LRRIQ4: variants seen among roughly 807,000 people sequenced by gnomAD.
LRRIQ4 encodes the protein leucine rich repeats and IQ motif containing 4, also known as leucine-rich repeat and IQ domain-containing protein 4.
LRRIQ4 carries 21 observed loss-of-function variants against 40.1 expected under a neutral mutation model. The ratio of observed to expected loss-of-function variants is 0.52; its 90% CI spans 0.37 to 0.75. The LOEUF (loss-of-function observed/expected upper bound fraction) is 0.75, where lower values mean the gene tolerates loss of function less well. Among genes scored for constraint, LRRIQ4 ranks in the 30% least tolerant of loss-of-function variants. The pLI, the probability that LRRIQ4 is intolerant of heterozygous loss-of-function variation, is 0.00. For missense variants in LRRIQ4, 655 were observed against 660.0 expected, an observed-to-expected ratio of 0.99 and a Z score of 0.08; for synonymous variants, 277 against 277.1, an observed-to-expected ratio of 1.00 and a Z score of 0.00.
intron 2 of LRRIQ4, among the ~76,000 whole-genome samples, chr3:169,825,102 G>A (rs1780011931): frequency 6.6e-6 from 1 of 150,682 alleles, no homozygotes; most frequent in Admixed American, 6.6e-5. Context: ...CCACCTCCCA[G>A]GTTCAAGCGA....
rs56344833 is a variant in LRRIQ4, at chr3:169,835,364, C to CTTTGTGTGTGTGTGTGTG, written c.1531-2114_1531-2113insTTGTGTGTGTGTGTGTGT. On this transcript the variant is annotated intron_variant, in intron 5 of 5. Coordinates refer to ENST00000340806, the MANE Select transcript of LRRIQ4 (RefSeq NM_001080460.3). ...CACTTGTACTTTGAATTGTCTTTTT[C>CTTTGTGTGTGTGTGTGTG]TGTGTGTGTGTGTGTGTGTGTGTGT... Among the ~76,000 whole-genome samples, 503 of 146,498 alleles carry CTTTGTGTGTGTGTGTGTG rather than the reference C, an allele frequency of 3.4e-3. 9 individuals carry two copies. The highest frequency in any genetic ancestry group is 0.011 in the African/African-American group (432 of 39,554).
At chr3:169,819,312 C>T (rs774328162) in intron 1 of LRRIQ4, among the ~76,000 whole-genome samples, 3 of 151,924 alleles carry the variant, frequency 2.0e-5, no homozygotes, top group Non-Finnish European at 2.9e-5. Flanking sequence ...TTCAGAGGGC[C>T]GTCAAATTGA....
Position 169,837,745 on chromosome 3 carries a change from AAAATAAATGATTCTTAC to A in LRRIQ4, c.*115_*131del. 1 of 820,776 alleles carries A rather than the reference AAAATAAATGATTCTTAC, an allele frequency of 1.2e-6. No individual in the cohort carries two copies. The highest frequency in any genetic ancestry group is 1.8e-6 in the Non-Finnish European group (1 of 549,172). The allele number at this position is 820,776 out of a possible 1,614,324, so 50.8% of individuals were successfully genotyped here. On this transcript the variant is annotated 3_prime_UTR_variant, in exon 6 of 6. Transcript: ENST00000340806. The stretch of plus-strand genomic sequence containing the variant: ...ATTCATAAAATTACACTTATGTGTA[AAAATAAATGATTCTTAC>A]TTTTACTGAAATATTTATGGATAAA...
At position 169,828,847 on chromosome 3, in the gene LRRIQ4, C is replaced by T. The variant is rs1780100362; in HGVS notation, c.1109C>T (p.Ser370Phe). Residue 370 changes from serine (S) to phenylalanine (F), a missense_variant, in exon 3 of 6, where the codon TCT becomes TTT. By Grantham distance (155) the Ser-to-Phe change is radical. Transcript: ENST00000340806. Reference sequence around the variant, plus strand: ...CTTTCCTTTCCGGAGGAAGTCCTTTCTTTAGCGTCTTTAGAGAAATTATAC... The same window carrying T: ...CTTTCCTTTCCGGAGGAAGTCCTTTTTTTAGCGTCTTTAGAGAAATTATAC... ...EFLSFPEEVL[S>F]LASLEKLYIG... 3 of 1,613,724 alleles carry T rather than the reference C, an allele frequency of 1.9e-6. No individual in the cohort carries two copies. Among genetic ancestry groups the T allele is most frequent in the African/African-American group, 2.7e-5 (2 of 74,906 alleles).
At chr3:169,829,133 G>C (rs1296566671) in intron 3 of LRRIQ4, among the ~76,000 whole-genome samples, 1 of 152,112 alleles carries the variant, frequency 6.6e-6, no homozygotes, top group African/African-American at 2.4e-5. Flanking sequence ...TGTGATTGCT[G>C]TTGGATATGT....
At chr3:169,831,956 A>C (rs1404805951) in intron 4 of LRRIQ4, among the ~76,000 whole-genome samples, 1 of 150,440 alleles carries the variant, frequency 6.6e-6, no homozygotes, top group Non-Finnish European at 1.5e-5. Context: ...ACAGGGCAAG[A>C]CTCCGTTTTA....
intron 1 of LRRIQ4, among the ~76,000 whole-genome samples, chr3:169,815,907 TG>T (rs1039670641): frequency 2.0e-5 from 3 of 152,250 alleles, no homozygotes; most frequent in African/African-American, 7.2e-5. Flanking sequence ...ATATGGTTTT[TG>T]TCCTTCATTC....
At position 169,823,641 on chromosome 3, in the gene LRRIQ4, C is replaced by T. The variant is rs551763330; in HGVS notation, c.1020+700C>T. Among the ~76,000 whole-genome samples the T allele has an allele frequency of 8.3e-4, 127 of 152,220 alleles. 1 individual carries two copies. Among genetic ancestry groups the T allele is most frequent in the African/African-American group, 2.9e-3 (122 of 41,534 alleles). ...GATTACAAGCGTGAGCCACCGCGCA[C>T]GGCCCAGGGTCTATATTCTTAACAA... is the stretch of plus-strand genomic sequence containing the variant. On this transcript the variant is annotated intron_variant, in intron 2 of 5. Coordinates refer to ENST00000340806, the MANE Select transcript of LRRIQ4 (RefSeq NM_001080460.3).
At chr3:169,826,163 G>A (rs1471921538) in intron 2 of LRRIQ4, among the ~76,000 whole-genome samples, 2 of 152,234 alleles carry the variant, frequency 1.3e-5, no homozygotes, top group East Asian at 1.9e-4. Flanking sequence ...AGGATGAGGC[G>A]AGTGGATCAA....
At position 169,823,951 on chromosome 3, in the gene LRRIQ4, G is replaced by A. The variant is rs145190338; in HGVS notation, c.1020+1010G>A. Reference sequence around the variant, plus strand: ...AATTTAAGTGAACTGGTACTGTATTGCCAATATGGATAGATCTCAGTATTG... The same window carrying A: ...AATTTAAGTGAACTGGTACTGTATTACCAATATGGATAGATCTCAGTATTG... On this transcript the variant is annotated intron_variant, in intron 2 of 5. Coordinates refer to ENST00000340806, the MANE Select transcript of LRRIQ4 (RefSeq NM_001080460.3). 1.7e-3 allele frequency among the ~76,000 whole-genome samples: 262 copies of A among 152,218 alleles called. 1 individual carries two copies. Among genetic ancestry groups the A allele is most frequent in the South Asian group, 9.5e-3 (46 of 4,822 alleles).
intron 3 of LRRIQ4, 38 bp from the exon 4 acceptor site, chr3:169,830,454 T>C: frequency 8.9e-7 from 1 of 1,120,298 alleles, no homozygotes; most frequent in Non-Finnish European, 1.2e-6. Context: ...AATTAATTAA[T>C]CAAGGTATAT....
chr3:169,825,286 G>A (rs1270915757), intron 2 of LRRIQ4, among the ~76,000 whole-genome samples: 2 of 152,182 alleles, frequency 1.3e-5, no homozygotes, highest in Non-Finnish European at 2.9e-5. Flanking sequence ...GATTACAGGC[G>A]TGAGCCACTG....
At position 169,822,221 on chromosome 3, in the gene LRRIQ4, C is replaced by A; in HGVS notation, c.300C>A (p.Asp100Glu). The A allele has an allele frequency of 6.2e-7, 1 of 1,603,350 alleles. No individual in the cohort carries two copies. Residue 100 changes from aspartate to glutamate, a missense_variant, in exon 2 of 6, where the codon GAC becomes GAA. Coordinates refer to ENST00000340806, the MANE Select transcript of LRRIQ4 (RefSeq NM_001080460.3). ...TGCTGAGCAGCCTGGAGAGCCTGGA[C>A]CTGAGCTACAACCCCATCTTCTCCT... ...LGLLSSLESL[D>E]LSYNPIFSSS...
chr3:169,823,081 A>G, intron 2 of LRRIQ4, 140 bp downstream of exon 2: 2 of 662,928 alleles, frequency 3.0e-6, no homozygotes, highest in South Asian at 2.3e-5. Context: ...ACAAGGTGAT[A>G]CTTTGTATTA....
intron 2 of LRRIQ4, among the ~76,000 whole-genome samples, chr3:169,827,915 A>G (rs1035291341): frequency 1.3e-5 from 2 of 152,174 alleles, no homozygotes; most frequent in Non-Finnish European, 2.9e-5. Context: ...CAGTTCCCAC[A>G]CAGGTTACAC....
intron 2 of LRRIQ4, 121 bp downstream of exon 2, chr3:169,823,062 A>C: frequency 1.3e-6 from 1 of 764,528 alleles, no homozygotes; most frequent in Non-Finnish European, 2.0e-6. Flanking sequence ...CAAGATTACT[A>C]AATATCCAAC....
intron 1 of LRRIQ4, among the ~76,000 whole-genome samples, chr3:169,813,577 G>T (rs901933946): frequency 5.9e-5 from 9 of 152,166 alleles, no homozygotes; most frequent in Admixed American, 3.9e-4. Flanking sequence ...TCTCCATAGG[G>T]TGTACACCAT....
At chr3:169,830,078 G>A (rs140736465) in intron 3 of LRRIQ4, among the ~76,000 whole-genome samples, 46 of 152,120 alleles carry the variant, frequency 3.0e-4, no homozygotes, top group African/African-American at 1.1e-3. Flanking sequence ...GTGCATTTTG[G>A]CTACTTTCAC....
chr3:169,824,275 AG>A (rs1481047641), intron 2 of LRRIQ4, among the ~76,000 whole-genome samples: 5 of 152,068 alleles, frequency 3.3e-5, no homozygotes, highest in African/African-American at 1.2e-4. Flanking sequence ...CCAGCAGTTT[AG>A]GGGGCCAAGG....
Sources: allele counts gnomAD v4.1 joint callset (sites outside exome capture counted in the v4.1 genomes callset), GRCh38; gene constraint gnomAD v4.1.1; transcripts MANE v1.5; gene names NCBI Gene and HGNC (gene_info 2026-07-23, HGNC 2026-07-21).